Variants in ZNRF2 observed in about 807,000 individuals in gnomAD.
ZNRF2 encodes the protein E3 ubiquitin-protein ligase ZNRF2.
A neutral mutation model predicts 20.4 loss-of-function variants in ZNRF2; 16 were observed. The ratio of observed to expected loss-of-function variants is 0.79; its 90% CI spans 0.53 to 1.19. The LOEUF (loss-of-function observed/expected upper bound fraction) is 1.19, where lower values mean the gene tolerates loss of function less well. ZNRF2 is among the 50% of genes most tolerant of loss of function. The pLI is 0.00. For synonymous variants in ZNRF2, 178 were observed against 144.9 expected, an observed-to-expected ratio of 1.23 and a Z score of -1.64; for missense variants, 363 against 332.4, an observed-to-expected ratio of 1.09 and a Z score of -0.72.
chr7:30,350,538 T>C (rs1392651793), intron 2 of ZNRF2, among the ~76,000 whole-genome samples: 1 of 152,064 alleles, frequency 6.6e-6, no homozygotes, highest in African/African-American at 2.4e-5. Context: ...GCAACTTCCC[T>C]TTGTTAAATA....
chr7:30,327,499 T>G (rs1312803031), intron 2 of ZNRF2, among the ~76,000 whole-genome samples: 1 of 152,094 alleles, frequency 6.6e-6, no homozygotes, highest in African/African-American at 2.4e-5. Flanking sequence ...ACTGTTCTGC[T>G]AGATCACTTG....
intron 2 of ZNRF2, among the ~76,000 whole-genome samples, chr7:30,334,619 T>C (rs186480476): frequency 2.5e-3 from 383 of 152,314 alleles, no homozygotes; most frequent in African/African-American, 8.7e-3. Flanking sequence ...AATTTTTCTT[T>C]CGATATTTTA....
chr7:30,314,401 ATATT>A (rs1458890366), intron 1 of ZNRF2, among the ~76,000 whole-genome samples: 1 of 152,094 alleles, frequency 6.6e-6, no homozygotes, highest in African/African-American at 2.4e-5. Flanking sequence ...CACTGTTAAG[ATATT>A]TATAGTTATT....
At chr7:30,286,442 A>G (rs1798791653) in intron 1 of ZNRF2, among the ~76,000 whole-genome samples, 1 of 152,224 alleles carries the variant, frequency 6.6e-6, no homozygotes, top group Non-Finnish European at 1.5e-5. Context: ...GTCCTGCTTA[A>G]TTTGGAAAGC....
Position 30,366,415 on chromosome 7 carries a change from T to C in ZNRF2, c.*403T>C, listed in dbSNP as rs934322713. On this transcript the variant is annotated 3_prime_UTR_variant, in exon 5 of 5. Transcript: ENST00000323037. Reference sequence around the variant, plus strand: ...GTTATGTTTTGATTTGTTTTGTTTTTTAATTTGGGGTCTCTTTGTTTTCCC... The same window carrying C: ...GTTATGTTTTGATTTGTTTTGTTTTCTAATTTGGGGTCTCTTTGTTTTCCC... 2.1e-4 allele frequency: 32 copies of C among 152,768 alleles called. 1 individual carries two copies. The highest frequency in any genetic ancestry group is 7.7e-4 in the African/African-American group (32 of 41,588). The allele number at this position is 152,768 out of a possible 1,614,324, so 9.5% of individuals were successfully genotyped here.
At chr7:30,318,909 C>A (rs1312937314) in intron 1 of ZNRF2, among the ~76,000 whole-genome samples, 1 of 151,956 alleles carries the variant, frequency 6.6e-6, no homozygotes, top group Non-Finnish European at 1.5e-5. Flanking sequence ...GTCAGGAGTT[C>A]AAGACGAACC....
At chr7:30,348,411 G>C (rs1255181741) in intron 2 of ZNRF2, among the ~76,000 whole-genome samples, 1 of 152,076 alleles carries the variant, frequency 6.6e-6, no homozygotes, top group African/African-American at 2.4e-5. Context: ...CTGCATGCTG[G>C]GATAAGCTAA....
chr7:30,287,047 C>T (rs964129846), intron 1 of ZNRF2, among the ~76,000 whole-genome samples: 4 of 152,104 alleles, frequency 2.6e-5, no homozygotes, highest in Non-Finnish European at 5.9e-5. Flanking sequence ...TTTGCAAATT[C>T]AATTGGAACG....
intron 2 of ZNRF2, among the ~76,000 whole-genome samples, chr7:30,346,240 C>G (rs564021063): frequency 8.5e-4 from 100 of 117,624 alleles, no homozygotes; most frequent in African/African-American, 2.9e-3. Flanking sequence ...GTTGCCCAGG[C>G]TGCAATGCAG....
At chr7:30,306,312 CT>C (rs1299108415) in intron 1 of ZNRF2, among the ~76,000 whole-genome samples, 1 of 151,752 alleles carries the variant, frequency 6.6e-6, no homozygotes, top group African/African-American at 2.4e-5. Context: ...AAAATTCAGT[CT>C]TTTATGGCTT....
In ZNRF2 at chr7:30,300,184, C is replaced by G. The variant is rs186948447; in HGVS notation, c.469+14358C>G. ...TTTTTTTTTGAGACGGAGTCTTACT[C>G]TCTTGTCAGGCTGGAGTGCAGTGGC... On this transcript the variant is annotated intron_variant, in intron 1 of 4. Transcript: ENST00000323037. Among the ~76,000 whole-genome samples, 10 of 130,288 alleles carry G rather than the reference C, an allele frequency of 7.7e-5. No homozygotes were observed. In the East Asian group the frequency reaches 2.2e-3, roughly 29 times the overall value. 85.5% of individuals were successfully genotyped at this position (130,288 alleles called of 152,430 possible).
At chr7:30,358,439 A>G (rs1445410087) in intron 3 of ZNRF2, among the ~76,000 whole-genome samples, 4 of 152,224 alleles carry the variant, frequency 2.6e-5, no homozygotes, top group South Asian at 2.1e-4. Context: ...GACATCTACC[A>G]TATTGTGGAT....
chr7:30,334,504 A>G (rs1799687688), intron 2 of ZNRF2, among the ~76,000 whole-genome samples: 2 of 152,102 alleles, frequency 1.3e-5, no homozygotes. Flanking sequence ...TTGAGAATGG[A>G]TTTTTTGGAT....
chr7:30,344,381 C>A (rs938494220), intron 2 of ZNRF2, among the ~76,000 whole-genome samples: 2 of 151,552 alleles, frequency 1.3e-5, no homozygotes, highest in Admixed American at 1.3e-4. Flanking sequence ...TTTTTAGATA[C>A]TGTTTTTTTC....
intron 1 of ZNRF2, among the ~76,000 whole-genome samples, chr7:30,292,996 G>C (rs971934840): frequency 1.3e-5 from 2 of 152,158 alleles, no homozygotes; most frequent in Admixed American, 6.5e-5. Flanking sequence ...GAGTCAGCAA[G>C]GAGGCAAAAA....
At chr7:30,307,359 G>T (rs1183112642) in intron 1 of ZNRF2, among the ~76,000 whole-genome samples, 1 of 140,514 alleles carries the variant, frequency 7.1e-6, no homozygotes, top group Non-Finnish European at 1.5e-5. Context: ...TTGGCTGGGG[G>T]TGGAGGGGTA....
chr7:30,345,242 A>G (rs1799858629), intron 2 of ZNRF2, among the ~76,000 whole-genome samples: 4 of 151,258 alleles, frequency 2.6e-5, no homozygotes, highest in South Asian at 2.1e-4. Flanking sequence ...TTCATTTTCT[A>G]TTTATTTTTC....
Position 30,285,330 on chromosome 7 carries a change from C to T in ZNRF2, c.-28C>T. On this transcript the variant is annotated 5_prime_UTR_variant, in exon 1 of 5. Coordinates refer to ENST00000323037, the MANE Select transcript of ZNRF2 (RefSeq NM_147128.4). Reference sequence around the variant, plus strand: ...CCCTCCCGGCTCTCGGGGCGCAGCGCGCGGGCCCGGCCCGGGGCAGGGCGG... The same window carrying T: ...CCCTCCCGGCTCTCGGGGCGCAGCGTGCGGGCCCGGCCCGGGGCAGGGCGG... 9.2e-7 allele frequency: 1 copy of T among 1,084,868 alleles called. No individual in the cohort carries two copies. Among genetic ancestry groups the T allele is most frequent in the Non-Finnish European group, 1.1e-6 (1 of 898,068 alleles). The allele number at this position is 1,084,868 out of a possible 1,614,324, so 67.2% of individuals were successfully genotyped here.
chr7:30,365,056 G>GC (rs1455498069), intron 4 of ZNRF2, among the ~76,000 whole-genome samples: 2 of 151,010 alleles, frequency 1.3e-5, no homozygotes, highest in Non-Finnish European at 2.9e-5. Context: ...TGTCCCAAAG[G>GC]CCCCACCTCT....
Sources: allele counts gnomAD v4.1 joint callset (sites outside exome capture counted in the v4.1 genomes callset), GRCh38; gene constraint gnomAD v4.1.1; transcripts MANE v1.5; gene names NCBI Gene and HGNC (gene_info 2026-07-23, HGNC 2026-07-21).